PCDHA2: variants seen among roughly 807,000 people sequenced by gnomAD.
PCDHA2 encodes protocadherin alpha 2, also known as protocadherin alpha-2.
PCDHA2 carries 58 observed loss-of-function variants against 66.0 expected under a neutral mutation model. The ratio of observed to expected loss-of-function variants is 0.88; its 90% CI spans 0.71 to 1.09. The LOEUF is 1.09. PCDHA2 is among the 50% of genes least tolerant of loss of function. The pLI is 0.00. For missense variants in PCDHA2, 1,267 were observed against 1,242.3 expected, an observed-to-expected ratio of 1.02 and a Z score of -0.30; for synonymous variants, 634 against 554.0, an observed-to-expected ratio of 1.14 and a Z score of -2.03.
intron 1 of PCDHA2, chr5:140,966,833 C>G: frequency 2.6e-6 from 4 of 1,563,480 alleles, no homozygotes; most frequent in Non-Finnish European, 3.5e-6. Flanking sequence ...CATGCCCTGG[C>G]TGCTGCTACT....
At chr5:140,943,718 C>G (rs2093552773) in intron 1 of PCDHA2, among the ~76,000 whole-genome samples, 1 of 152,020 alleles carries the variant, frequency 6.6e-6, no homozygotes, top group South Asian at 2.1e-4. Flanking sequence ...ATTTAAAGGT[C>G]TGAGAGAATG....
chr5:140,803,399 G>A (rs567171951), intron 1 of PCDHA2: 2 of 1,614,230 alleles, frequency 1.2e-6, no homozygotes, highest in African/African-American at 1.3e-5. Context: ...ACTGTGGGCC[G>A]GGCAAGCCCA....
chr5:140,865,608 A>G (rs915675853), intron 1 of PCDHA2: 4 of 152,202 alleles, frequency 2.6e-5, no homozygotes, highest in Non-Finnish European at 5.9e-5. Context: ...CAGTTTATTA[A>G]TATATTTGTT....
chr5:140,982,488 G>C lies in PCDHA2; in HGVS notation c.2461G>C (p.Glu821Gln), dbSNP rs782419098. 3 of 1,614,212 alleles carry C rather than the reference G, an allele frequency of 1.9e-6. No individual in the cohort carries two copies. Among genetic ancestry groups the C allele is most frequent in the Non-Finnish European group, 2.5e-6 (3 of 1,180,036 alleles). The change falls in exon 3 of 4, where the codon GAG becomes CAG. Residue 821 changes from glutamate to glutamine, a missense_variant. Glu to Gln is a conservative substitution (Grantham distance 29). Coordinates refer to ENST00000526136, the MANE Select transcript of PCDHA2 (RefSeq NM_018905.3). ...RAGMHSSVHLEEAGILRAGPG... is the reference protein window; with the variant it reads ...RAGMHSSVHLQEAGILRAGPG... The stretch of plus-strand genomic sequence containing the variant: ...GTGTTTATTCAGCTCTGTGCACCTA[G>C]AGGAGGCTGGCATTCTACGGGCTGG...
intron 1 of PCDHA2, among the ~76,000 whole-genome samples, chr5:140,893,506 A>G (rs2064024014): frequency 1.3e-5 from 2 of 152,170 alleles, no homozygotes; most frequent in African/African-American, 4.8e-5. Flanking sequence ...AGAAAAAAAA[A>G]GCAGTTGTAG....
rs369408845 is a variant in PCDHA2, at chr5:140,898,113, C to T, written c.2389-80836C>T. On this transcript the variant is annotated intron_variant, in intron 1 of 3. Coordinates refer to ENST00000526136, the MANE Select transcript of PCDHA2 (RefSeq NM_018905.3). ...AGCCCTTTGTCAGATGAGTAGGTTG[C>T]GAAAATTTTCTCCCATTTTGTAGGT... Among the ~76,000 whole-genome samples, 401 of 152,070 alleles carry T rather than the reference C, an allele frequency of 2.6e-3. 3 individuals carry two copies. Among genetic ancestry groups the T allele is most frequent in the Admixed American group, 0.01 (153 of 15,274 alleles).
intron 1 of PCDHA2, among the ~76,000 whole-genome samples, chr5:140,900,835 C>A (rs1023887892): frequency 1.3e-5 from 2 of 152,150 alleles, no homozygotes; most frequent in African/African-American, 4.8e-5. Flanking sequence ...CAACAATGTA[C>A]AAAGTTTCCC....
At chr5:140,849,211 C>G (rs2040817305) in intron 1 of PCDHA2, 1 of 1,031,974 alleles carries the variant, frequency 9.7e-7, no homozygotes, top group East Asian at 2.6e-5. Flanking sequence ...AATGACAATG[C>G]CCCAGTGTTC....
chr5:140,968,287 C>T lies in PCDHA2; in HGVS notation c.2389-10662C>T, dbSNP rs7712041. Reference sequence around the variant, plus strand: ...AGGAGAATGCAGAGGTGACCTACTCCCTTCTGGAGAGGGAGATTCAAGGGC... The same window carrying T: ...AGGAGAATGCAGAGGTGACCTACTCTCTTCTGGAGAGGGAGATTCAAGGGC... On this transcript the variant is annotated intron_variant, in intron 1 of 3. Coordinates refer to ENST00000526136, the MANE Select transcript of PCDHA2 (RefSeq NM_018905.3). The T allele has an allele frequency of 2.5e-3, 4,093 of 1,613,902 alleles. 64 individuals are homozygous for T. In the African/African-American group the frequency reaches 0.039, roughly 16 times the overall value.
At chr5:140,982,337 A>T in intron 2 of PCDHA2, 138 bp from the exon 3 acceptor site, 1 of 1,455,066 alleles carries the variant, frequency 6.9e-7, no homozygotes, top group Non-Finnish European at 9.1e-7. Flanking sequence ...CTCAGCAGTA[A>T]TTGCTTCAGT....
At chr5:141,001,683 C>T (rs1042436989) in intron 3 of PCDHA2, among the ~76,000 whole-genome samples, 1 of 152,030 alleles carries the variant, frequency 6.6e-6, no homozygotes, top group Non-Finnish European at 1.5e-5. Flanking sequence ...TCCAACAAAC[C>T]CCACAGATGG....
intron 1 of PCDHA2, chr5:140,929,420 C>A: frequency 6.7e-7 from 1 of 1,502,700 alleles, no homozygotes; most frequent in Non-Finnish European, 8.9e-7. Context: ...CACAACATTT[C>A]ATCAATTGAA....
chr5:141,008,985 A>C (rs566679512), intron 3 of PCDHA2, among the ~76,000 whole-genome samples: 1 of 152,240 alleles, frequency 6.6e-6, no homozygotes, highest in Non-Finnish European at 1.5e-5. Context: ...AGTTTAATCT[A>C]GACACTAAAA....
chr5:141,011,509 G>C lies in PCDHA2; in HGVS notation c.*1572G>C, dbSNP rs2098420853. ...TTTTGTACACCTGTGAAAAAGTGGA[G>C]TAGTGTTTTTTTAACCATTGTTAAT... is the stretch of plus-strand genomic sequence containing the variant. On this transcript the variant is annotated 3_prime_UTR_variant, in exon 4 of 4. Coordinates refer to ENST00000526136, the MANE Select transcript of PCDHA2 (RefSeq NM_018905.3). The C allele has an allele frequency of 6.5e-6, 1 of 153,760 alleles. No individual in the cohort carries two copies. The highest frequency in any genetic ancestry group is 1.5e-5 in the Non-Finnish European group (1 of 68,040). The allele number at this position is 153,760 out of a possible 1,614,324, so 9.5% of individuals were successfully genotyped here.
chr5:140,877,707 G>A, intron 1 of PCDHA2: 2 of 1,614,062 alleles, frequency 1.2e-6, no homozygotes, highest in Non-Finnish European at 1.7e-6. Flanking sequence ...CCAGCGCCGT[G>A]GGGAGTTGGT....
At chr5:140,940,017 T>C (rs1418030283) in intron 1 of PCDHA2, among the ~76,000 whole-genome samples, 1 of 152,234 alleles carries the variant, frequency 6.6e-6, no homozygotes, top group Non-Finnish European at 1.5e-5. Flanking sequence ...TTTTGTGTCA[T>C]ATGTTTTAAG....
At chr5:140,869,908 C>G in intron 1 of PCDHA2, 4 of 1,610,646 alleles carry the variant, frequency 2.5e-6, no homozygotes, top group Non-Finnish European at 3.4e-6. Flanking sequence ...CGCCACAGAC[C>G]GAGACGAAGG....
At chr5:140,951,767 G>A (rs561938687) in intron 1 of PCDHA2, among the ~76,000 whole-genome samples, 2 of 152,160 alleles carry the variant, frequency 1.3e-5, no homozygotes, top group South Asian at 2.1e-4. Context: ...ATCTCATGAC[G>A]TTCTTACATT....
intron 1 of PCDHA2, among the ~76,000 whole-genome samples, chr5:140,894,449 A>G (rs1227566097): frequency 6.6e-6 from 1 of 151,950 alleles, no homozygotes; most frequent in Non-Finnish European, 1.5e-5. Flanking sequence ...TCTTTTTTAA[A>G]AAATATTTTA....
Sources: gnomAD v4.1 joint callset for allele counts (sites outside exome capture counted in the v4.1 genomes callset) on GRCh38, gnomAD v4.1.1 for gene constraint, MANE v1.5 for transcripts, NCBI Gene and HGNC (gene_info 2026-07-23, HGNC 2026-07-21) for gene names.